The following FAM53B variants were observed in gnomAD, a reference collection of about 807,000 sequenced individuals.
FAM53B encodes the protein protein FAM53B.
Under a neutral mutation model 32.7 loss-of-function variants are expected in FAM53B, and 12 were observed. The ratio of observed to expected loss-of-function variants is 0.37; its 90% CI spans 0.24 to 0.59. The LOEUF (loss-of-function observed/expected upper bound fraction) is 0.59, where lower values mean the gene tolerates loss of function less well. FAM53B is among the 20% of genes least tolerant of loss of function. The pLI is 0.72. For missense variants in FAM53B, 477 were observed against 577.7 expected, an observed-to-expected ratio of 0.83 and a Z score of 1.79; for synonymous variants, 234 against 228.7, an observed-to-expected ratio of 1.02 and a Z score of -0.21.
rs1284197463 is a variant in FAM53B at position 124,621,497 on chromosome 10, G to T, written c.*1745C>A. 6.6e-6 allele frequency: 1 copy of T among 152,170 alleles called. No individual in the cohort carries two copies. The highest frequency in any genetic ancestry group is 6.5e-5 in the Admixed American group (1 of 15,284). The allele number at this position is 152,170 out of a possible 1,614,324, so 9.4% of individuals were successfully genotyped here. ...CGGCTCTGGGACCTGCCCAGTGCCC[G>T]GCATACCCCATGTGTCAGCCACCTG... On this transcript the variant is annotated 3_prime_UTR_variant, in exon 5 of 5. Coordinates refer to ENST00000337318, the MANE Select transcript of FAM53B (RefSeq NM_014661.4).
chr10:124,690,876 G>A (rs1192390928), intron 3 of FAM53B, among the ~76,000 whole-genome samples: 1 of 152,054 alleles, frequency 6.6e-6, no homozygotes, highest in East Asian at 1.9e-4. Context: ...TGGTTAATGA[G>A]CAGTCTCTTA....
chr10:124,731,577 C>CTT (rs34416562), intron 1 of FAM53B, among the ~76,000 whole-genome samples: 42 of 145,222 alleles, frequency 2.9e-4, no homozygotes, highest in East Asian at 1.6e-3. Context: ...CAAAATCAAC[C>CTT]TTTTTTTTTT....
Position 124,651,746 on chromosome 10 carries a change from C to T in FAM53B, c.907-28142G>A, listed in dbSNP as rs1201736681. On this transcript the variant is annotated intron_variant, in intron 4 of 4. Transcript: ENST00000337318. This position sits in a 1 kb window ranked among gnomAD's most constrained non-coding sequence, Gnocchi z 5.2. ...GCAGAGCCCCACAGATGTCTAGCCC[C>T]TGCCTCAGGTCGGCAGTGACTGGGC... Among the ~76,000 whole-genome samples, 3 of 152,252 alleles carry T rather than the reference C, an allele frequency of 2.0e-5. No individual in the cohort carries two copies. Among genetic ancestry groups the T allele is most frequent in the Non-Finnish European group, 4.4e-5 (3 of 68,046 alleles).
chr10:124,630,241 C>T (rs1949381548), intron 4 of FAM53B, among the ~76,000 whole-genome samples: 1 of 152,138 alleles, frequency 6.6e-6, no homozygotes, highest in Admixed American at 6.5e-5. Context: ...GGCAAAACCC[C>T]ATTTCTACCA....
At chr10:124,628,534 G>A (rs541236841) in intron 4 of FAM53B, among the ~76,000 whole-genome samples, 6 of 152,278 alleles carry the variant, frequency 3.9e-5, no homozygotes, top group African/African-American at 1.4e-4. Flanking sequence ...TCCTCCCCTG[G>A]GAAGCAGAAC....
intron 1 of FAM53B, among the ~76,000 whole-genome samples, chr10:124,739,009 TACAG>T: frequency 1.4e-5 from 2 of 146,778 alleles, no homozygotes; most frequent in African/African-American, 5.0e-5. Flanking sequence ...CCTTTGGTCC[TACAG>T]TACATACAGA....
chr10:124,676,927 T>C (rs1396115847), intron 4 of FAM53B, among the ~76,000 whole-genome samples: 2 of 151,974 alleles, frequency 1.3e-5, no homozygotes, highest in East Asian at 1.9e-4. Context: ...CTCAGGGAGG[T>C]TCGGGGACTC....
chr10:124,642,473 C>G (rs1355324931), intron 4 of FAM53B, among the ~76,000 whole-genome samples: 2 of 152,246 alleles, frequency 1.3e-5, no homozygotes, highest in African/African-American at 4.8e-5. Flanking sequence ...CCTTCTCAAG[C>G]CTGATGACTC....
intron 4 of FAM53B, among the ~76,000 whole-genome samples, chr10:124,676,076 C>T (rs554295162): frequency 1.3e-5 from 2 of 152,332 alleles, no homozygotes; most frequent in Admixed American, 1.3e-4. Context: ...CCTTGACATC[C>T]CTAAACTCTG....
chr10:124,650,831 G>T (rs188487031), intron 4 of FAM53B, among the ~76,000 whole-genome samples: 20 of 152,310 alleles, frequency 1.3e-4, no homozygotes, highest in African/African-American at 4.8e-4. Flanking sequence ...TCGAGAGAGA[G>T]ATGTGTTTGA....
At chr10:124,710,832 T>G (rs1949996682) in intron 1 of FAM53B, among the ~76,000 whole-genome samples, 1 of 152,116 alleles carries the variant, frequency 6.6e-6, no homozygotes, top group Non-Finnish European at 1.5e-5. Context: ...TCACCCAGGG[T>G]CCGGGTTCAA....
At position 124,635,450 on chromosome 10, in the gene FAM53B, A is replaced by C. The variant is rs144042622; in HGVS notation, c.907-11846T>G. ...GAAAAGGACATAAAAATAGCCTTTA[A>C]ATATACAAAAGATGTTCAACTGATT... On this transcript the variant is annotated intron_variant, in intron 4 of 4. Coordinates refer to ENST00000337318, the MANE Select transcript of FAM53B (RefSeq NM_014661.4). Among the ~76,000 whole-genome samples the C allele has an allele frequency of 5.6e-3, 859 of 152,362 alleles. 9 individuals are homozygous for C. The highest frequency in any genetic ancestry group is 8.6e-3 in the Non-Finnish European group (586 of 68,042).
intron 3 of FAM53B, 63 bp downstream of exon 3, chr10:124,696,095 A>G (rs1949867672): frequency 3.7e-6 from 5 of 1,336,174 alleles, no homozygotes; most frequent in Non-Finnish European, 4.3e-6. Flanking sequence ...TCTCACCTGG[A>G]GGACTCAGAC....
At chr10:124,678,934 G>A (rs1486272122) in intron 4 of FAM53B, among the ~76,000 whole-genome samples, 1 of 152,206 alleles carries the variant, frequency 6.6e-6, no homozygotes, top group Non-Finnish European at 1.5e-5. Context: ...ACCTCTAGGG[G>A]AGCTGCAGCT....
chr10:124,734,721 G>C lies in FAM53B; in HGVS notation c.-175+9292C>G, dbSNP rs533580656. On this transcript the variant is annotated intron_variant, in intron 1 of 4. Transcript: ENST00000337318. ...TGAGTCTTCACACTCCATACAAAGGGGTGTCCCTCAAAGCTACCCAAAGTG... is the reference window on the plus strand; with the variant it reads ...TGAGTCTTCACACTCCATACAAAGGCGTGTCCCTCAAAGCTACCCAAAGTG... Among the ~76,000 whole-genome samples, 4 of 152,252 alleles carry C rather than the reference G, an allele frequency of 2.6e-5. No individual in the cohort carries two copies. The South Asian group carries it at 8.3e-4, about 32-fold the overall frequency.
At chr10:124,674,864 C>A (rs938171300) in intron 4 of FAM53B, among the ~76,000 whole-genome samples, 5 of 152,210 alleles carry the variant, frequency 3.3e-5, no homozygotes, top group Non-Finnish European at 7.4e-5. Flanking sequence ...AGAGCAGGGC[C>A]TGGCAAGCCA....
chr10:124,687,608 G>A (rs958070834), intron 3 of FAM53B, among the ~76,000 whole-genome samples: 2 of 152,190 alleles, frequency 1.3e-5, no homozygotes, highest in Admixed American at 6.5e-5. Flanking sequence ...TGTGGAATCC[G>A]GCTGGAATGG....
chr10:124,625,908 T>G (rs535964238), intron 4 of FAM53B, among the ~76,000 whole-genome samples: 2 of 152,216 alleles, frequency 1.3e-5, no homozygotes, highest in South Asian at 4.1e-4. Flanking sequence ...TGACCCACCT[T>G]CTCCTGACCC....
At chr10:124,687,517 A>G (rs1289448400) in intron 3 of FAM53B, among the ~76,000 whole-genome samples, 2 of 152,212 alleles carry the variant, frequency 1.3e-5, no homozygotes, top group East Asian at 1.9e-4. Flanking sequence ...AGCAGTCATC[A>G]TAAGGATAAT....
Sources: gnomAD v4.1 joint callset for allele counts (sites outside exome capture counted in the v4.1 genomes callset) on GRCh38, gnomAD v4.1.1 for gene constraint, Gnocchi (gnomAD v3.1) non-coding constraint, MANE v1.5 for transcripts, NCBI Gene and HGNC (gene_info 2026-07-23, HGNC 2026-07-21) for gene names.